The following FBXW5 variants were observed in gnomAD, a reference collection of about 807,000 sequenced individuals.
The protein encoded by FBXW5 is F-box and WD repeat domain containing 5, also known as F-box/WD repeat-containing protein 5.
In FBXW5, 74 loss-of-function variants were observed where a neutral mutation model predicts 50.9. The observed-to-expected ratio is 1.45, with a 90% CI of 1.20 to 1.76. The LOEUF (loss-of-function observed/expected upper bound fraction) is 1.76. Among genes scored for constraint, FBXW5 ranks in the 40% most tolerant of loss-of-function variants. FBXW5 has a pLI of 0.00. For synonymous variants in FBXW5, 523 were observed against 362.2 expected, an observed-to-expected ratio of 1.44 and a Z score of -5.04; for missense variants, 1,073 against 818.8, an observed-to-expected ratio of 1.31 and a Z score of -3.79.
intron 8 of FBXW5, 27 bp from the exon 9 acceptor site, chr9:136,941,198 GCCGCCCGC>G: frequency 6.3e-7 from 1 of 1,597,154 alleles, no homozygotes; most frequent in South Asian, 1.1e-5. Flanking sequence ...GGGTGAGCCG[GCCGCCCGC>G]CCGCTGCTGC....
At chr9:136,943,251 C>T in intron 3 of FBXW5, 98 bp downstream of exon 3, 1 of 1,118,438 alleles carries the variant, frequency 8.9e-7, no homozygotes, top group Non-Finnish European at 1.3e-6. Context: ...CTGACCCACC[C>T]CCCCCCCCAC....
In FBXW5 at chr9:136,942,474, C is replaced by CGGG; in HGVS notation, c.676-11_676-9dup. ...GTTCTCTGACTCCACATCCTGGGGG[C>CGGG]GGGGGCACGTGCCAGGTGGGCGCCG... On this transcript the variant is annotated splice_polypyrimidine_tract_variant and intron_variant, in intron 5 of 8. Coordinates refer to ENST00000325285, the MANE Select transcript of FBXW5 (RefSeq NM_018998.4). 1 of 1,598,750 alleles carries CGGG rather than the reference C, an allele frequency of 6.3e-7. No homozygotes were observed. Among genetic ancestry groups the CGGG allele is most frequent in the African/African-American group, 1.3e-5 (1 of 74,648 alleles).
Position 136,942,818 on chromosome 9 carries a change from G to T in FBXW5, c.477C>A (p.Phe159Leu), listed in dbSNP as rs146126767. The change falls in exon 4 of 9, where the codon TTC (phenylalanine) becomes TTA (leucine). Residue 159 changes from phenylalanine to leucine, a missense_variant. Coordinates refer to ENST00000325285, the MANE Select transcript of FBXW5 (RefSeq NM_018998.4). ...DDSLLLASGV[F>L]LGPHNSSSGE... ...CGGATGAGGAGTTGTGCGGCCCCAG[G>T]AACACCCCCGAGGCCAGCAGTAGCG... 17 of 1,613,132 alleles carry T rather than the reference G, an allele frequency of 1.1e-5. No individual in the cohort carries two copies. In the African/African-American group the frequency reaches 2.1e-4, roughly 20 times the overall value.
In FBXW5 at chr9:136,944,397, G is replaced by A. The variant is rs890675078; in HGVS notation, c.-24+197C>T. ...GGCACGGGGACACCAGGCGCCGTCC[G>A]GGGACGGGCTTCCGCCGAGAGGAAG... On this transcript the variant is annotated intron_variant, in intron 1 of 8. Transcript: ENST00000325285. 9.1e-5 allele frequency: 70 copies of A among 769,020 alleles called. No individual in the cohort carries two copies. In the African/African-American group the frequency reaches 1.2e-3, roughly 13 times the overall value. 47.6% of individuals were successfully genotyped at this position (769,020 alleles called of 1,614,324 possible).
intron 3 of FBXW5, 82 bp downstream of exon 3, chr9:136,943,267 C>CCG: frequency 6.7e-7 from 1 of 1,483,696 alleles, no homozygotes; most frequent in Non-Finnish European, 9.2e-7. Context: ...CCCACCACCA[C>CCG]CTGGTTGGAA....
chr9:136,943,460 C>T lies in FBXW5; in HGVS notation c.240G>A (p.Val80=), dbSNP rs546257786. ...YEEFQRLYDT[V]PCVEVQTLRE... ...GCAGCGTCTGCACCTCCACGCAGGG[C>T]ACCGTGTCATACAGCCGCTGGAACT... The change falls in exon 3 of 9, where the codon GTG becomes GTA. Residue 80 remains valine (V), a synonymous_variant. Transcript: ENST00000325285. 6 of 1,612,762 alleles carry T rather than the reference C, an allele frequency of 3.7e-6. No homozygotes were observed. The highest frequency in any genetic ancestry group is 2.7e-5 in the African/African-American group (2 of 75,056).
In FBXW5 at chr9:136,942,037, G is replaced by A. The variant is rs759400081; in HGVS notation, c.1096+9C>T. 1.9e-6 allele frequency: 3 copies of A among 1,599,236 alleles called. No individual in the cohort carries two copies. The highest frequency in any genetic ancestry group is 3.4e-5 in the Admixed American group (2 of 59,468). ...GACCGAGGCGGGCAGCATGGCGGCA[G>A]GGGTGTACCGATCTGGTGTGGGGAG... On this transcript the variant is annotated intron_variant, in intron 6 of 8. Transcript: ENST00000325285.
In FBXW5 at chr9:136,944,593, C is replaced by G; in HGVS notation, c.-24+1G>C. ...CCCCCGAGGGCCGCAGGCGCACTCA[C>G]CACGGCCGCCTCCGCCCGCTGCGCC... On this transcript the variant is annotated splice_donor_variant, in intron 1 of 8. Transcript: ENST00000325285. LOFTEE classifies it low-confidence loss of function (5UTR_SPLICE). The G allele has an allele frequency of 2.0e-6, 2 of 984,292 alleles. No homozygotes were observed. Among genetic ancestry groups the G allele is most frequent in the Non-Finnish European group, 2.4e-6 (2 of 829,278 alleles). 61.0% of individuals were successfully genotyped at this position (984,292 alleles called of 1,614,324 possible). A position where few individuals can be genotyped will look rare whatever the true frequency, so the allele number is the denominator to read the frequency against.
chr9:136,942,161 C>A lies in FBXW5; in HGVS notation c.981G>T (p.Val327=). Residue 327 remains valine (V), a synonymous_variant, in exon 6 of 9, where the codon GTG becomes GTT. Transcript: ENST00000325285. The part of the protein sequence containing the change: ...QLSERMLETK[V]AELLAQGHTK... ...TGTGGCCCTGGGCCAGCAGCTCGGC[C>A]ACCTTGGTCTCTAGCATGCGCTCCG... 6.2e-7 allele frequency: 1 copy of A among 1,604,452 alleles called. No homozygotes were observed. The highest frequency in any genetic ancestry group is 8.5e-7 in the Non-Finnish European group (1 of 1,176,086).
At chr9:136,944,180 G>A (rs555336341) in intron 1 of FBXW5, 74 bp from the exon 2 acceptor site, 289 of 1,413,850 alleles carry the variant, frequency 2.0e-4, no homozygotes, top group South Asian at 2.6e-4. Flanking sequence ...TGTTCCTCCA[G>A]CCCCAACCGT....
chr9:136,944,313 C>G (rs1850947035), intron 1 of FBXW5: 3 of 612,724 alleles, frequency 4.9e-6, no homozygotes, highest in Non-Finnish European at 7.0e-6. Flanking sequence ...ATCCCCCGGC[C>G]TCCTGCGGCC....
Position 136,944,063 on chromosome 9 carries a change from G to C in FBXW5, c.21C>G (p.Pro7=), listed in dbSNP as rs778049753. The C allele has an allele frequency of 1.2e-5, 20 of 1,600,354 alleles. 1 individual carries two copies. Among genetic ancestry groups the C allele is most frequent in the Middle Eastern group, 1.7e-4 (1 of 6,028 alleles). The change falls in exon 2 of 9, where the codon CCC becomes CCG. Residue 7 remains proline (P), a synonymous_variant. Transcript: ENST00000325285. The part of the protein sequence containing the change: MDEGGT[P]LLPDSLVYQI... Reference sequence around the variant, plus strand: ...GGTAGACCAGGCTGTCGGGGAGCAGGGGCGTGCCGCCCTCGTCCATCGTGA... The same window carrying C: ...GGTAGACCAGGCTGTCGGGGAGCAGCGGCGTGCCGCCCTCGTCCATCGTGA...
intron 1 of FBXW5, 23 bp downstream of exon 1, chr9:136,944,571 C>T (rs1033660046): frequency 1.0e-6 from 1 of 983,588 alleles, no homozygotes; most frequent in African/African-American, 1.8e-5. Flanking sequence ...GGCGGGACCC[C>T]CGAGGGCCGC....
In FBXW5 at chr9:136,944,272, G is replaced by A. The variant is rs191393784; in HGVS notation, c.-23-166C>T. On this transcript the variant is annotated intron_variant, in intron 1 of 8. Coordinates refer to ENST00000325285, the MANE Select transcript of FBXW5 (RefSeq NM_018998.4). ...CCAACCAAGGACCCGGCAGCTCCGG[G>A]CGGGCCGGGCCGGCCCCTCTCCGCC... The A allele has an allele frequency of 2.4e-3, 1,955 of 811,444 alleles. 36 individuals carry two copies. The African/African-American group carries it at 0.032, about 13-fold the overall frequency. 50.3% of individuals were successfully genotyped at this position (811,444 alleles called of 1,614,324 possible).
chr9:136,942,842 C>T lies in FBXW5; in HGVS notation c.453G>A (p.Ser151=), dbSNP rs150752994. The T allele has an allele frequency of 1.7e-5, 27 of 1,613,482 alleles. No individual in the cohort carries two copies. The highest frequency in any genetic ancestry group is 4.0e-5 in the African/African-American group (3 of 75,032). The part of the protein sequence containing the change: ...TQFSQFNKDD[S]LLLASGVFLG... ...GGAACACCCCCGAGGCCAGCAGTAG[C>T]GAGTCGTCCTTGTTGAACTGGGAGA... The change falls in exon 4 of 9, where the codon TCG becomes TCA. Residue 151 remains serine, a synonymous_variant. Coordinates refer to ENST00000325285, the MANE Select transcript of FBXW5 (RefSeq NM_018998.4).
rs748017630 is a variant in FBXW5 at position 136,942,468 on chromosome 9, TGG to T, written c.676-4_676-3del. 1 of 1,598,782 alleles carries T rather than the reference TGG, an allele frequency of 6.3e-7. No homozygotes were observed. Among genetic ancestry groups the T allele is most frequent in the Non-Finnish European group, 8.6e-7 (1 of 1,169,550 alleles). On this transcript the variant is annotated splice_polypyrimidine_tract_variant and splice_region_variant and intron_variant, in intron 5 of 8. Coordinates refer to ENST00000325285, the MANE Select transcript of FBXW5 (RefSeq NM_018998.4). ...GTTGACGTTCTCTGACTCCACATCC[TGG>T]GGGCGGGGGCACGTGCCAGGTGGGC...
chr9:136,941,088 T>TTG lies in FBXW5; in HGVS notation c.1539_1540dup (p.Asn514ThrfsTer91), dbSNP rs1564432031. On this transcript the variant is annotated frameshift_variant, in exon 9 of 9. Coordinates refer to ENST00000325285, the MANE Select transcript of FBXW5 (RefSeq NM_018998.4). LOFTEE classifies it high-confidence loss of function. ...CTCCTGGGGACTGAAGACCACTGAG[T>TTG]TGACCACATCCTCGTGCCGCAGCCT... The TTG allele has an allele frequency of 1.9e-6, 3 of 1,571,628 alleles. No individual in the cohort carries two copies. The highest frequency in any genetic ancestry group is 1.7e-6 in the Non-Finnish European group (2 of 1,158,282).
intron 6 of FBXW5, 171 bp downstream of exon 6, chr9:136,941,875 T>C: frequency 4.9e-6 from 7 of 1,435,542 alleles, no homozygotes; most frequent in Non-Finnish European, 6.4e-6. Context: ...TGCCTGCGTT[T>C]GTTTTCACTG....
chr9:136,940,735 T>A lies in FBXW5; in HGVS notation c.*193A>T. 1 of 933,664 alleles carries A rather than the reference T, an allele frequency of 1.1e-6. No individual in the cohort carries two copies. Among genetic ancestry groups the A allele is most frequent in the Admixed American group, 2.9e-5 (1 of 34,668 alleles). The allele number at this position is 933,664 out of a possible 1,614,324, so 57.8% of individuals were successfully genotyped here. A position where few individuals can be genotyped will look rare whatever the true frequency, so the allele number is the denominator to read the frequency against. On this transcript the variant is annotated 3_prime_UTR_variant, in exon 9 of 9. Transcript: ENST00000325285. ...GGCCGAGGGGGCCTTGGGCTCCATC[T>A]GCACTGGCCACCCCGTGCCAAGCAT... is the stretch of plus-strand genomic sequence containing the variant.
Sources: allele counts gnomAD v4.1 joint callset, GRCh38; gene constraint gnomAD v4.1.1; transcripts MANE v1.5; gene names NCBI Gene and HGNC (gene_info 2026-07-23, HGNC 2026-07-21).